COL16A1: variants seen among roughly 807,000 people sequenced by gnomAD.
COL16A1 encodes the protein collagen type XVI alpha 1 chain.
Under a neutral mutation model 266.3 loss-of-function variants are expected in COL16A1, and 189 were observed. The observed-to-expected ratio is 0.71, with a 90% CI of 0.63 to 0.80. The LOEUF (loss-of-function observed/expected upper bound fraction) is 0.80. Ranked by LOEUF, COL16A1 falls within the 30% of genes least tolerant of loss-of-function variation. The probability of loss-of-function intolerance (pLI) is 0.00; values close to 1 mark genes in which losing one functional copy is unlikely to be tolerated. For missense variants in COL16A1, 1,928 were observed against 2,122.4 expected (o/e 0.91, Z 1.80); for synonymous variants, 740 against 782.3 (o/e 0.95, Z 0.90).
At position 31,656,951 on chromosome 1, in the gene COL16A1, T is replaced by TA. The variant is rs1641218434; in HGVS notation, c.4056+81_4056+82insT. 1 of 1,584,804 alleles carries TA rather than the reference T, an allele frequency of 6.3e-7. No homozygotes were observed. Among genetic ancestry groups the TA allele is most frequent in the Non-Finnish European group, 8.7e-7 (1 of 1,154,200 alleles). On this transcript the variant is annotated intron_variant, in intron 65 of 70. Transcript: ENST00000373672. This position sits in a 1 kb window ranked among gnomAD's most constrained non-coding sequence, Gnocchi z 4.2. Reference sequence around the variant, plus strand: ...GCCCGTACATAGAAGGAATGTTTACTGAAAAAAATGAAGAGGGGTCAGGGC... The same window carrying TA: ...GCCCGTACATAGAAGGAATGTTTACTAGAAAAAAATGAAGAGGGGTCAGGGC...
chr1:31,668,755 C>G lies in COL16A1; in HGVS notation c.3249+47G>C. Reference sequence around the variant, plus strand: ...GAGCTCAAGCTCTGCCTCCCCAGCTCTTCCTCCCTTTCCAGCCCTTTCCAG... The same window carrying G: ...GAGCTCAAGCTCTGCCTCCCCAGCTGTTCCTCCCTTTCCAGCCCTTTCCAG... On this transcript the variant is annotated intron_variant, in intron 50 of 70. Coordinates refer to ENST00000373672, the MANE Select transcript of COL16A1 (RefSeq NM_001856.4). The surrounding 1 kb of genome is among the most constrained non-coding windows in gnomAD (Gnocchi z 5.8). The G allele has an allele frequency of 6.2e-7, 1 of 1,608,992 alleles. No individual in the cohort carries two copies. Among genetic ancestry groups the G allele is most frequent in the Non-Finnish European group, 8.5e-7 (1 of 1,175,604 alleles).
chr1:31,679,900 G>A (rs1348544647), intron 40 of COL16A1, 49 bp from the exon 41 acceptor site: 16 of 1,520,898 alleles, frequency 1.1e-5, no homozygotes, highest in African/African-American at 2.8e-5. Context: ...TATAGGCAAC[G>A]TCTACACCAA....
At position 31,684,090 on chromosome 1, in the gene COL16A1, C is replaced by T. The variant is rs368835244; in HGVS notation, c.2283+19G>A. 10 of 1,605,076 alleles carry T rather than the reference C, an allele frequency of 6.2e-6. No homozygotes were observed. The highest frequency in any genetic ancestry group is 2.2e-5 in the South Asian group (2 of 89,832). ...AGGCAAAGCCCAGGCAGGGAAGGGCCGGAGGGCAGGCAACTCACGGGTTTA... is the reference window on the plus strand; with the variant it reads ...AGGCAAAGCCCAGGCAGGGAAGGGCTGGAGGGCAGGCAACTCACGGGTTTA... On this transcript the variant is annotated intron_variant, in intron 32 of 70. Transcript: ENST00000373672.
chr1:31,668,027 A>T lies in COL16A1; in HGVS notation c.3303+138T>A. The T allele has an allele frequency of 1.4e-6, 1 of 709,662 alleles. No homozygotes were observed. The highest frequency in any genetic ancestry group is 2.4e-6 in the Non-Finnish European group (1 of 424,652). 44.0% of individuals were successfully genotyped at this position (709,662 alleles called of 1,614,324 possible). A position where few individuals can be genotyped will look rare whatever the true frequency, so the allele number is the denominator to read the frequency against. On this transcript the variant is annotated intron_variant, in intron 51 of 70. Transcript: ENST00000373672. The surrounding 1 kb of genome is among the most constrained non-coding windows in gnomAD (Gnocchi z 5.8). Reference sequence around the variant, plus strand: ...ACAGTGGGGAGAGGGGGCTGCATGGACTTTAGGCAAAGGAGGAGGCTGAAA... The same window carrying T: ...ACAGTGGGGAGAGGGGGCTGCATGGTCTTTAGGCAAAGGAGGAGGCTGAAA...
At chr1:31,662,224 CT>C (rs2148670007) in intron 58 of COL16A1, 109 bp downstream of exon 58, 1 of 1,544,582 alleles carries the variant, frequency 6.5e-7, no homozygotes, top group East Asian at 2.4e-5. Context: ...TGGGTGCCCC[CT>C]GACAAAGACG....
intron 55 of COL16A1, 35 bp downstream of exon 55, chr1:31,665,548 T>G: frequency 6.2e-7 from 1 of 1,614,004 alleles, no homozygotes; most frequent in Non-Finnish European, 8.5e-7. Flanking sequence ...TGAGACCACA[T>G]CAGACAGAGC....
chr1:31,702,866 G>A (rs966281130), intron 1 of COL16A1, among the ~76,000 whole-genome samples: 1 of 152,090 alleles, frequency 6.6e-6, no homozygotes, highest in Admixed American at 6.5e-5. Flanking sequence ...CTCATTGCCA[G>A]CCACCCCCGC....
chr1:31,691,345 G>C, intron 19 of COL16A1, 72 bp downstream of exon 19: 1 of 1,582,024 alleles, frequency 6.3e-7, no homozygotes, highest in Non-Finnish European at 8.6e-7. Flanking sequence ...TCTTCCCCCC[G>C]TTCATTCCCT....
chr1:31,684,091 G>GGA lies in COL16A1; in HGVS notation c.2283+16_2283+17dup. On this transcript the variant is annotated intron_variant, in intron 32 of 70. Coordinates refer to ENST00000373672, the MANE Select transcript of COL16A1 (RefSeq NM_001856.4). ...GGCAAAGCCCAGGCAGGGAAGGGCCGGAGGGCAGGCAACTCACGGGTTTAC... is the reference window on the plus strand; with the variant it reads ...GGCAAAGCCCAGGCAGGGAAGGGCCGGAGAGGGCAGGCAACTCACGGGTTTAC... The GGA allele has an allele frequency of 1.2e-6, 2 of 1,604,156 alleles. No individual in the cohort carries two copies. The highest frequency in any genetic ancestry group is 1.7e-6 in the Non-Finnish European group (2 of 1,174,714).
chr1:31,691,895 T>C, intron 17 of COL16A1, 110 bp downstream of exon 17: 1 of 1,545,182 alleles, frequency 6.5e-7, no homozygotes, highest in Non-Finnish European at 8.9e-7. Flanking sequence ...GCACAGCCCC[T>C]CCCCACCCTG....
In COL16A1 at chr1:31,680,027, C is replaced by T. The variant is rs1463450511; in HGVS notation, c.2670+15G>A. 6.2e-7 allele frequency: 1 copy of T among 1,613,562 alleles called. No individual in the cohort carries two copies. Among genetic ancestry groups the T allele is most frequent in the Admixed American group, 1.7e-5 (1 of 59,982 alleles). On this transcript the variant is annotated intron_variant, in intron 40 of 70. Coordinates refer to ENST00000373672, the MANE Select transcript of COL16A1 (RefSeq NM_001856.4). ...TCTCCCCCAGTTGGGGGAAGGCTCT[C>T]ACAGCGCCACTTACCGGCATGCCAG...
At chr1:31,701,397 C>T in intron 2 of COL16A1, 1 of 985,448 alleles carries the variant, frequency 1.0e-6, no homozygotes, top group Non-Finnish European at 1.2e-6. Context: ...CCTGGGTCCA[C>T]AATCCCTTTC....
rs1016700176 is a variant in COL16A1, at chr1:31,697,520, G to T, written c.658-220C>A. 6.6e-6 allele frequency among the ~76,000 whole-genome samples: 1 copy of T among 152,162 alleles called. No individual in the cohort carries two copies. Among genetic ancestry groups the T allele is most frequent in the Non-Finnish European group, 1.5e-5 (1 of 68,030 alleles). ...GGCCCAGAGGAACAAAAGAGGAGGA[G>T]GTTCCATTCATGCTGGGCTTTGAAG... On this transcript the variant is annotated intron_variant, in intron 6 of 70. Transcript: ENST00000373672. The surrounding 1 kb of genome is among the most constrained non-coding windows in gnomAD (Gnocchi z 4.2).
chr1:31,686,905 A>G (rs1644004067), intron 26 of COL16A1, among the ~76,000 whole-genome samples: 1 of 152,266 alleles, frequency 6.6e-6, no homozygotes, highest in Admixed American at 6.5e-5. Flanking sequence ...CATAATGGAA[A>G]GAAGATCCGC....
chr1:31,670,423 C>T lies in COL16A1; in HGVS notation c.3195+179G>A. The T allele has an allele frequency of 1.5e-6, 1 of 654,572 alleles. No individual in the cohort carries two copies. The highest frequency in any genetic ancestry group is 3.5e-5 in the East Asian group (1 of 28,938). 40.5% of individuals were successfully genotyped at this position (654,572 alleles called of 1,614,324 possible). On this transcript the variant is annotated intron_variant, in intron 49 of 70. Transcript: ENST00000373672. The surrounding 1 kb of genome is among the most constrained non-coding windows in gnomAD (Gnocchi z 4.5). ...GGAGAAAACGGAAAGGAGTCAGAGA[C>T]TGGGAGGATGTCCAAGCTGCCGGGA...
At chr1:31,654,581 G>A (rs536615179) in intron 68 of COL16A1, among the ~76,000 whole-genome samples, 1 of 152,308 alleles carries the variant, frequency 6.6e-6, no homozygotes, top group African/African-American at 2.4e-5. Context: ...GGGGAATGCA[G>A]GAGGGAATCA....
At chr1:31,686,866 T>C (rs879926187) in intron 26 of COL16A1, among the ~76,000 whole-genome samples, 3 of 152,190 alleles carry the variant, frequency 2.0e-5, no homozygotes, top group Non-Finnish European at 2.9e-5. Flanking sequence ...GTACAAAATC[T>C]GACGGGTGGG....
In COL16A1 at chr1:31,698,869, G is replaced by A. The variant is rs1055037233; in HGVS notation, c.267-263C>T. On this transcript the variant is annotated intron_variant, in intron 4 of 70. Coordinates refer to ENST00000373672, the MANE Select transcript of COL16A1 (RefSeq NM_001856.4). This position sits in a 1 kb window ranked among gnomAD's most constrained non-coding sequence, Gnocchi z 4.1. ...AGCACTTTGGGAGGCCGAGGTGGGC[G>A]GATCACCTGAGGCCAGGAGTTGGAG... is the stretch of plus-strand genomic sequence containing the variant. Among the ~76,000 whole-genome samples the A allele has an allele frequency of 6.6e-5, 10 of 152,162 alleles. No homozygotes were observed. Among genetic ancestry groups the A allele is most frequent in the African/African-American group, 2.4e-4 (10 of 41,412 alleles).
chr1:31,663,060 A>C lies in COL16A1; in HGVS notation c.3556-402T>G. The C allele has an allele frequency of 4.4e-5, 11 of 249,426 alleles. No homozygotes were observed. Among genetic ancestry groups the C allele is most frequent in the Non-Finnish European group, 7.2e-5 (9 of 125,802 alleles). The allele number at this position is 249,426 out of a possible 1,614,324, so 15.5% of individuals were successfully genotyped here. On this transcript the variant is annotated intron_variant, in intron 56 of 70. Coordinates refer to ENST00000373672, the MANE Select transcript of COL16A1 (RefSeq NM_001856.4). This position sits in a 1 kb window ranked among gnomAD's most constrained non-coding sequence, Gnocchi z 4.9. ...CACCTACCTCCCTACCTTTCCCCCC[A>C]TCCCAGCAGACATGGGCCCGGGCTG...
Sources: allele counts gnomAD v4.1 joint callset (sites outside exome capture counted in the v4.1 genomes callset), GRCh38; gene constraint gnomAD v4.1.1; non-coding constraint Gnocchi (gnomAD v3.1); transcripts MANE v1.5; gene names NCBI Gene and HGNC (gene_info 2026-07-23, HGNC 2026-07-21).